Variants in ARSG observed in about 807,000 individuals in gnomAD.
ARSG encodes the protein arylsulfatase G, also known as ASG.
ARSG carries 37 observed loss-of-function variants against 50.5 expected under a neutral mutation model. The observed-to-expected ratio is 0.73, with a 90% CI of 0.56 to 0.96. The LOEUF is 0.96. ARSG is among the 50% of genes least tolerant of loss of function. The probability of loss-of-function intolerance (pLI) is 0.00; values close to 1 mark genes in which losing one functional copy is unlikely to be tolerated. For missense variants in ARSG, 629 were observed against 675.3 expected (o/e 0.93, Z 0.76); for synonymous variants, 225 against 254.6 (o/e 0.88, Z 1.11).
chr17:68,345,252 C>G (rs1479539046), intron 3 of ARSG, among the ~76,000 whole-genome samples: 2 of 152,124 alleles, frequency 1.3e-5, no homozygotes, highest in African/African-American at 4.8e-5. Flanking sequence ...TGGGAGGATC[C>G]CTCGAGCCCA....
chr17:68,420,468 C>T lies in ARSG; in HGVS notation c.*5C>T. ...TGCCGCTGTCAAGCCGCATAACAGA[C>T]CAATTTTTATTCCACGAGGAGGAGT... is the stretch of plus-strand genomic sequence containing the variant. On this transcript the variant is annotated 3_prime_UTR_variant, in exon 12 of 12. Coordinates refer to ENST00000621439, the MANE Select transcript of ARSG (RefSeq NM_001267727.2). 1 of 1,603,588 alleles carries T rather than the reference C, an allele frequency of 6.2e-7. No homozygotes were observed. Among genetic ancestry groups the T allele is most frequent in the Non-Finnish European group, 8.5e-7 (1 of 1,172,448 alleles).
At chr17:68,360,494 G>C (rs1299479298) in intron 6 of ARSG, among the ~76,000 whole-genome samples, 1 of 152,218 alleles carries the variant, frequency 6.6e-6, no homozygotes, top group African/African-American at 2.4e-5. Flanking sequence ...TGGGTCTTTA[G>C]TTGGCTTTAG....
intron 9 of ARSG, among the ~76,000 whole-genome samples, chr17:68,387,157 A>G (rs2080771012): frequency 6.6e-6 from 1 of 151,494 alleles, no homozygotes; most frequent in African/African-American, 2.4e-5. Flanking sequence ...GAGACAGGGC[A>G]TCACTCTGTT....
chr17:68,385,612 TCGA>T (rs1369239483), intron 9 of ARSG, among the ~76,000 whole-genome samples: 11 of 150,834 alleles, frequency 7.3e-5, no homozygotes, highest in Non-Finnish European at 1.6e-4. Context: ...GAAGTGGGAC[TCGA>T]GCCATCTTCT....
At chr17:68,303,041 G>A (rs1459765530) in intron 1 of ARSG, among the ~76,000 whole-genome samples, 1 of 152,200 alleles carries the variant, frequency 6.6e-6, no homozygotes, top group African/African-American at 2.4e-5. Context: ...TAAGATCTGA[G>A]GGTAGCAAGT....
chr17:68,263,833 G>A (rs1234614794), intron 1 of ARSG, among the ~76,000 whole-genome samples: 4 of 151,986 alleles, frequency 2.6e-5, no homozygotes, highest in Non-Finnish European at 5.9e-5. Context: ...GTGAAACTAA[G>A]GATCATGATT....
intron 2 of ARSG, among the ~76,000 whole-genome samples, chr17:68,312,498 C>T (rs2076902284): frequency 6.6e-6 from 1 of 151,946 alleles, no homozygotes; most frequent in African/African-American, 2.4e-5. Flanking sequence ...CTGAGATTTG[C>T]GAGGCCTACA....
intron 4 of ARSG, among the ~76,000 whole-genome samples, chr17:68,349,180 C>T (rs1397578856): frequency 2.0e-5 from 3 of 151,990 alleles, no homozygotes; most frequent in African/African-American, 7.3e-5. Flanking sequence ...TGCCTGTAAC[C>T]CCAGCTATTT....
At chr17:68,372,663 C>T (rs910380260) in intron 8 of ARSG, among the ~76,000 whole-genome samples, 3 of 152,082 alleles carry the variant, frequency 2.0e-5, no homozygotes, top group Admixed American at 6.5e-5. Context: ...CTGGGGATTA[C>T]AATTCGTCAT....
intron 8 of ARSG, among the ~76,000 whole-genome samples, chr17:68,372,500 A>G (rs967001696): frequency 6.6e-6 from 1 of 152,174 alleles, no homozygotes; most frequent in African/African-American, 2.4e-5. Context: ...TATGTCCTAC[A>G]TGTTTGGAGC....
chr17:68,364,710 T>C (rs1023994769), intron 6 of ARSG, among the ~76,000 whole-genome samples: 1 of 152,212 alleles, frequency 6.6e-6, no homozygotes, highest in African/African-American at 2.4e-5. Context: ...TGCATAAACA[T>C]ATGTTTCCCT....
intron 1 of ARSG, among the ~76,000 whole-genome samples, chr17:68,275,776 T>TA (rs1310392908): frequency 1.3e-5 from 2 of 152,092 alleles, no homozygotes; most frequent in East Asian, 2.0e-4. Context: ...GTTCAGGAGT[T>TA]AGAGACTAGC....
chr17:68,300,091 C>T (rs1209393756), intron 1 of ARSG, among the ~76,000 whole-genome samples: 1 of 152,092 alleles, frequency 6.6e-6, no homozygotes, highest in Non-Finnish European at 1.5e-5. Context: ...AGGCACATGC[C>T]ACCATATCCA....
chr17:68,303,184 G>C (rs988808215), intron 1 of ARSG, among the ~76,000 whole-genome samples: 4 of 152,110 alleles, frequency 2.6e-5, no homozygotes, highest in Admixed American at 2.6e-4. Flanking sequence ...GAGTACAGTG[G>C]CACCATCATA....
intron 2 of ARSG, 91 bp downstream of exon 2, chr17:68,307,802 C>T: frequency 1.4e-6 from 1 of 695,842 alleles, no homozygotes; most frequent in South Asian, 1.8e-5. Flanking sequence ...CTTAAAGAGT[C>T]ATTGATGGAC....
chr17:68,299,002 T>A (rs2076311607), intron 1 of ARSG, among the ~76,000 whole-genome samples: 1 of 151,008 alleles, frequency 6.6e-6, no homozygotes, highest in African/African-American at 2.4e-5. Flanking sequence ...AGGGCAAGGA[T>A]AAATCTACAA....
intron 5 of ARSG, among the ~76,000 whole-genome samples, chr17:68,354,412 CAA>C (rs1011747696): frequency 3.1e-5 from 3 of 95,260 alleles, no homozygotes. Context: ...GATCCTGTCT[CAA>C]AAAAAAAAAA....
At chr17:68,260,045 G>A (rs139719846) in intron 1 of ARSG, among the ~76,000 whole-genome samples, 20 of 152,258 alleles carry the variant, frequency 1.3e-4, no homozygotes, top group African/African-American at 4.8e-4. Context: ...GCTTGATACT[G>A]TTCTCTGTTG....
chr17:68,276,730 A>G (rs542998805), intron 1 of ARSG, among the ~76,000 whole-genome samples: 1 of 152,364 alleles, frequency 6.6e-6, no homozygotes, highest in African/African-American at 2.4e-5. Flanking sequence ...CTGGGATTAC[A>G]GGCGTGAGCC....
Sources: allele counts gnomAD v4.1 joint callset (sites outside exome capture counted in the v4.1 genomes callset), GRCh38; gene constraint gnomAD v4.1.1; transcripts MANE v1.5; gene names NCBI Gene and HGNC (gene_info 2026-07-23, HGNC 2026-07-21).